MGAT4C: variants seen among roughly 807,000 people sequenced by gnomAD.
MGAT4C encodes the protein alpha-1,3-mannosyl-glycoprotein 4-beta-N-acetylglucosaminyltransferase C.
MGAT4C carries 19 observed loss-of-function variants against 40.1 expected under a neutral mutation model. That is an observed-to-expected ratio of 0.47 (90% confidence interval 0.33 to 0.70). The LOEUF (loss-of-function observed/expected upper bound fraction) is 0.70. Ranked by LOEUF, MGAT4C falls within the 30% of genes least tolerant of loss-of-function variation. The pLI, the probability that MGAT4C is intolerant of heterozygous loss-of-function variation, is 0.02. For synonymous variants in MGAT4C, 181 were observed against 187.1 expected (o/e 0.97, Z 0.27); for missense variants, 491 against 563.2 (o/e 0.87, Z 1.30).
chr12:86,348,821 T>G (rs1955096458), intron 3 of MGAT4C, among the ~76,000 whole-genome samples: 1 of 152,146 alleles, frequency 6.6e-6, no homozygotes, highest in Non-Finnish European at 1.5e-5. Flanking sequence ...TATCATTCTT[T>G]TTGGTACTTG....
intron 1 of MGAT4C, among the ~76,000 whole-genome samples, chr12:86,162,537 T>C (rs1363546706): frequency 6.6e-6 from 1 of 152,160 alleles, no homozygotes; most frequent in African/African-American, 2.4e-5. Flanking sequence ...TATTGGGTAC[T>C]ATGCTCATTA....
intron 3 of MGAT4C, among the ~76,000 whole-genome samples, chr12:86,427,137 C>T (rs1050351769): frequency 2.6e-5 from 4 of 152,070 alleles, no homozygotes; most frequent in Non-Finnish European, 4.4e-5. Context: ...GTTCTATAAG[C>T]TTCTTGGAGG....
chr12:86,298,303 T>A (rs1221262613), intron 4 of MGAT4C, among the ~76,000 whole-genome samples: 1 of 152,174 alleles, frequency 6.6e-6, no homozygotes, highest in Non-Finnish European at 1.5e-5. Context: ...GTATTATTTT[T>A]CATGTTTAAA....
intron 3 of MGAT4C, among the ~76,000 whole-genome samples, chr12:86,381,947 A>G (rs1232792123): frequency 1.3e-5 from 2 of 152,148 alleles, no homozygotes; most frequent in Non-Finnish European, 2.9e-5. Flanking sequence ...ACCTTCTGCC[A>G]TGGTTGTGAG....
intron 3 of MGAT4C, among the ~76,000 whole-genome samples, chr12:86,373,207 A>T (rs867010538): frequency 7.2e-5 from 11 of 151,922 alleles, no homozygotes; most frequent in African/African-American, 2.7e-4. Context: ...GTTAAGATTT[A>T]AAAGGAAACA....
intron 1 of MGAT4C, among the ~76,000 whole-genome samples, chr12:86,135,520 T>C (rs1478042396): frequency 1.3e-5 from 2 of 152,108 alleles, no homozygotes; most frequent in African/African-American, 4.8e-5. Context: ...ATATTGAGGT[T>C]GTATTACTTA....
At chr12:86,136,724 T>C (rs991589396) in intron 1 of MGAT4C, among the ~76,000 whole-genome samples, 3 of 152,278 alleles carry the variant, frequency 2.0e-5, no homozygotes, top group Admixed American at 2.0e-4. Flanking sequence ...GTTTTGCTCT[T>C]GTCATCCGGT....
chr12:86,265,561 T>G (rs1292839655), intron 4 of MGAT4C, among the ~76,000 whole-genome samples: 3 of 152,212 alleles, frequency 2.0e-5, no homozygotes, highest in Admixed American at 6.5e-5. Flanking sequence ...GTTCTAAGCC[T>G]TGTAATAAAA....
chr12:86,719,648 T>A (rs1363023157), intron 2 of MGAT4C, among the ~76,000 whole-genome samples: 1 of 152,176 alleles, frequency 6.6e-6, no homozygotes, highest in African/African-American at 2.4e-5. Context: ...TCCTTTTACA[T>A]AAGAAGTGAC....
intron 1 of MGAT4C, among the ~76,000 whole-genome samples, chr12:86,077,555 G>A (rs1353011765): frequency 6.6e-6 from 1 of 152,160 alleles, no homozygotes; most frequent in African/African-American, 2.4e-5. Context: ...TCTGCAGCTG[G>A]TCACATGGTC....
chr12:86,178,825 G>T (rs148928733), intron 1 of MGAT4C, among the ~76,000 whole-genome samples: 5 of 152,152 alleles, frequency 3.3e-5, no homozygotes, highest in African/African-American at 1.2e-4. Context: ...TCTCAATAAT[G>T]CCTAGCTTAT....
chr12:86,279,593 AT>A (rs1259455387), intron 4 of MGAT4C, among the ~76,000 whole-genome samples: 1 of 149,044 alleles, frequency 6.7e-6, no homozygotes, highest in African/African-American at 2.5e-5. Flanking sequence ...AACAAGCAAC[AT>A]TTTGTTTTGT....
intron 3 of MGAT4C, among the ~76,000 whole-genome samples, chr12:86,416,421 C>T (rs1358460298): frequency 6.6e-6 from 1 of 151,968 alleles, no homozygotes; most frequent in Non-Finnish European, 1.5e-5. Context: ...GACTGTCATA[C>T]AAAACAGAAG....
chr12:86,450,914 C>T (rs1291408932), intron 2 of MGAT4C, among the ~76,000 whole-genome samples: 1 of 151,982 alleles, frequency 6.6e-6, no homozygotes, highest in Non-Finnish European at 1.5e-5. Context: ...AGATATATTG[C>T]AATAGATATA....
intron 2 of MGAT4C, among the ~76,000 whole-genome samples, chr12:86,619,675 T>A (rs923201818): frequency 6.6e-6 from 1 of 152,164 alleles, no homozygotes; most frequent in African/African-American, 2.4e-5. Flanking sequence ...GGCCTTTTTT[T>A]ATACAGCTTA....
chr12:86,715,030 G>T (rs775757779), intron 2 of MGAT4C, among the ~76,000 whole-genome samples: 27 of 152,148 alleles, frequency 1.8e-4, no homozygotes, highest in Admixed American at 4.6e-4. Context: ...ATTTCACCAT[G>T]TCACATGGAA....
chr12:86,796,897 A>G (rs1208470581), intron 1 of MGAT4C, among the ~76,000 whole-genome samples: 2 of 151,936 alleles, frequency 1.3e-5, no homozygotes, highest in African/African-American at 4.8e-5. Flanking sequence ...TACTTAGTAC[A>G]ATACATACAA....
At chr12:86,397,170 G>T (rs939157432) in intron 3 of MGAT4C, among the ~76,000 whole-genome samples, 7 of 152,148 alleles carry the variant, frequency 4.6e-5, no homozygotes, top group East Asian at 1.9e-4. Flanking sequence ...TTCAGCAAAA[G>T]AATTTTATGG....
intron 1 of MGAT4C, among the ~76,000 whole-genome samples, chr12:86,244,898 A>G (rs891374015): frequency 2.6e-5 from 4 of 152,190 alleles, no homozygotes; most frequent in Admixed American, 2.6e-4. Context: ...ATTATAAGGG[A>G]CAGCATTTAT....
Sources: gnomAD v4.1 joint callset for allele counts (sites outside exome capture counted in the v4.1 genomes callset) on GRCh38, gnomAD v4.1.1 for gene constraint, MANE v1.5 for transcripts, NCBI Gene and HGNC (gene_info 2026-07-23, HGNC 2026-07-21) for gene names.